KEL: variants seen among roughly 807,000 people sequenced by gnomAD.
KEL encodes Kell metallo-endopeptidase (Kell blood group), also known as kell blood group glycoprotein.
KEL carries 96 observed loss-of-function variants against 99.5 expected under a neutral mutation model. That is an observed-to-expected ratio of 0.97 (90% CI 0.82 to 1.14). The LOEUF (loss-of-function observed/expected upper bound fraction) is 1.14, where lower values mean the gene tolerates loss of function less well. Ranked by LOEUF, KEL falls within the 50% of genes most tolerant of loss-of-function variation. The pLI, the probability that KEL is intolerant of heterozygous loss-of-function variation, is 0.00. For missense variants in KEL, 926 were observed against 924.2 expected, an observed-to-expected ratio of 1.00 and a Z score of -0.03; for synonymous variants, 355 against 354.8, an observed-to-expected ratio of 1.00 and a Z score of -0.01.
intron 10 of KEL, among the ~76,000 whole-genome samples, chr7:142,947,731 C>T (rs141254382): frequency 1.2e-4 from 18 of 152,256 alleles, no homozygotes; most frequent in African/African-American, 4.1e-4. Context: ...CCATGTTGGC[C>T]AGGCTGGTCT....
At chr7:142,941,537 C>T (rs1478874939) in intron 18 of KEL, 124 bp from the exon 19 acceptor site, 14 of 850,074 alleles carry the variant, frequency 1.6e-5, no homozygotes, top group African/African-American at 1.5e-4. Context: ...CCAAGGGCCA[C>T]ATGGAGCATT....
chr7:142,951,715 T>C (rs544224766), intron 10 of KEL, among the ~76,000 whole-genome samples: 3 of 152,166 alleles, frequency 2.0e-5, no homozygotes, highest in African/African-American at 7.2e-5. Context: ...TCCCTGTGAA[T>C]ACATTTATCT....
At chr7:142,941,660 G>A (rs1796359331) in intron 18 of KEL, among the ~76,000 whole-genome samples, 1 of 152,130 alleles carries the variant, frequency 6.6e-6, no homozygotes, top group African/African-American at 2.4e-5. Context: ...AGGAGCTCTG[G>A]GGTGAAGTCT....
Position 142,942,969 on chromosome 7 carries a change from G to C in KEL, c.1847C>G (p.Ala616Gly). The C allele has an allele frequency of 6.2e-7, 1 of 1,614,192 alleles. No homozygotes were observed. Among genetic ancestry groups the C allele is most frequent in the Non-Finnish European group, 8.5e-7 (1 of 1,180,024 alleles). The change falls in exon 17 of 19, where the codon GCT (alanine) becomes GGT (glycine). Residue 616 changes from alanine (A) to glycine (G), a missense_variant. Physicochemically the swap from Ala to Gly is moderately conservative, Grantham distance 60 (BLOSUM62 0). Coordinates refer to ENST00000355265, the MANE Select transcript of KEL (RefSeq NM_000420.3). ...EAHLCLKRHY[A>G]AFPLPSRTSF... Reference sequence around the variant, plus strand: ...GGTTCTGCTAGGTAATGGAAAGGCAGCATAATGGCGCTTCAGGCACAGGTG... The same window carrying C: ...GGTTCTGCTAGGTAATGGAAAGGCACCATAATGGCGCTTCAGGCACAGGTG...
At chr7:142,961,752 A>G (rs1225382899) in intron 2 of KEL, 43 bp downstream of exon 2, 3 of 1,517,976 alleles carry the variant, frequency 2.0e-6, no homozygotes, top group Non-Finnish European at 1.8e-6. Context: ...GCCGAGAGTG[A>G]CAACATCAGT....
intron 10 of KEL, among the ~76,000 whole-genome samples, chr7:142,948,470 G>T (rs1001737363): frequency 1.3e-5 from 2 of 152,146 alleles, no homozygotes; most frequent in African/African-American, 4.8e-5. Flanking sequence ...TAAGAGTCCG[G>T]AGGGAAGCAA....
At position 142,941,171 on chromosome 7, in the gene KEL, G is replaced by T. The variant is rs1263499659; in HGVS notation, c.*81C>A. ...TTATTTTTGGAACAGAAGCAGAAAG[G>T]AAATCTTGCTCTGATTCCATGGATG... On this transcript the variant is annotated 3_prime_UTR_variant, in exon 19 of 19. Transcript: ENST00000355265. The T allele has an allele frequency of 1.3e-6, 2 of 1,485,928 alleles. No homozygotes were observed. Among genetic ancestry groups the T allele is most frequent in the African/African-American group, 1.4e-5 (1 of 72,366 alleles). The allele number at this position is 1,485,928 out of a possible 1,614,324, so 92.0% of individuals were successfully genotyped here.
At chr7:142,946,642 C>T in intron 10 of KEL, 1 of 390,956 alleles carries the variant, frequency 2.6e-6, no homozygotes, top group Non-Finnish European at 4.7e-6. Context: ...ACTCATACCT[C>T]GGCAGTCTGA....
Position 142,943,823 on chromosome 7 carries a change from T to C in KEL, c.1552A>G (p.Arg518Gly), listed in dbSNP as rs1185666498. ...GGCTGCAAGAAGCTCTGGACAATTCTAGCTCGGAGGGACCGGACACAGCTC... is the reference window on the plus strand; with the variant it reads ...GGCTGCAAGAAGCTCTGGACAATTCCAGCTCGGAGGGACCGGACACAGCTC... ...VLSCVRSLRA[R>G]IVQSFLQPHP... The change falls in exon 14 of 19, where the codon AGA (arginine) becomes GGA (glycine). Residue 518 changes from arginine to glycine, a missense_variant. Physicochemically the swap from Arg to Gly is moderately radical, Grantham distance 125 (BLOSUM62 -2). Transcript: ENST00000355265. 6.2e-7 allele frequency: 1 copy of C among 1,614,186 alleles called. No homozygotes were observed. Among genetic ancestry groups the C allele is most frequent in the East Asian group, 2.2e-5 (1 of 44,872 alleles).
chr7:142,942,960 G>A lies in KEL; in HGVS notation c.1856C>T (p.Pro619Leu), dbSNP rs866567552. ...ATTGAAGGAGGTTCTGCTAGGTAATGGAAAGGCAGCATAATGGCGCTTCAG... is the reference window on the plus strand; with the variant it reads ...ATTGAAGGAGGTTCTGCTAGGTAATAGAAAGGCAGCATAATGGCGCTTCAG... ...LCLKRHYAAF[P>L]LPSRTSFNDS... Residue 619 changes from proline (P) to leucine (L), a missense_variant, in exon 17 of 19, where the codon CCA becomes CTA. Physicochemically the swap from Pro to Leu is moderately conservative, Grantham distance 98 (BLOSUM62 -3). Transcript: ENST00000355265. 3 of 1,614,166 alleles carry A rather than the reference G, an allele frequency of 1.9e-6. No homozygotes were observed. Among genetic ancestry groups the A allele is most frequent in the Non-Finnish European group, 2.5e-6 (3 of 1,180,026 alleles).
At chr7:142,941,479 G>A in intron 18 of KEL, 66 bp from the exon 19 acceptor site, 1 of 1,461,638 alleles carries the variant, frequency 6.8e-7, no homozygotes, top group Non-Finnish European at 9.2e-7. Context: ...GGTGACAAGG[G>A]GTGATCAGGG....
intron 9 of KEL, chr7:142,953,432 C>T (rs1336768797): frequency 1.0e-6 from 1 of 975,906 alleles, no homozygotes; most frequent in Admixed American, 6.2e-5. Flanking sequence ...GCCCACAGTC[C>T]TCAGCTGCTA....
chr7:142,944,389 C>T lies in KEL; in HGVS notation c.1425G>A (p.Leu475=). Residue 475 remains leucine (L), a synonymous_variant, in exon 13 of 19, where the codon CTG becomes CTA. Coordinates refer to ENST00000355265, the MANE Select transcript of KEL (RefSeq NM_000420.3). ...ATTCTGAAGCCCCCATCTCCACCTG[C>T]AGTTGAGCAACCTGGAGAGAGACAC... The part of the protein sequence containing the change: ...QNMAQDKVAQ[L]QVEMGASEWA... 6.2e-7 allele frequency: 1 copy of T among 1,613,540 alleles called. No homozygotes were observed. The highest frequency in any genetic ancestry group is 8.5e-7 in the Non-Finnish European group (1 of 1,179,406).
chr7:142,961,304 G>A, intron 3 of KEL, 56 bp downstream of exon 3: 1 of 1,607,954 alleles, frequency 6.2e-7, no homozygotes, highest in East Asian at 2.2e-5. Context: ...GACTGGGCCT[G>A]GGCCCCAGGG....
Position 142,962,293 on chromosome 7 carries a change from C to T in KEL, c.-87G>A. 1 of 1,478,156 alleles carries T rather than the reference C, an allele frequency of 6.8e-7. No homozygotes were observed. The highest frequency in any genetic ancestry group is 9.5e-7 in the Non-Finnish European group (1 of 1,056,644). 91.6% of individuals were successfully genotyped at this position (1,478,156 alleles called of 1,614,324 possible). Reference sequence around the variant, plus strand: ...ACTGGGGTCCAGGAAACACCCCCCGCCCCAGTTCCTTGATCCTGGAGAAGG... The same window carrying T: ...ACTGGGGTCCAGGAAACACCCCCCGTCCCAGTTCCTTGATCCTGGAGAAGG... On this transcript the variant is annotated 5_prime_UTR_variant, in exon 1 of 19. Coordinates refer to ENST00000355265, the MANE Select transcript of KEL (RefSeq NM_000420.3).
chr7:142,957,256 T>C (rs532155679), intron 6 of KEL, among the ~76,000 whole-genome samples: 1 of 152,252 alleles, frequency 6.6e-6, no homozygotes, highest in South Asian at 2.1e-4. Flanking sequence ...GGGAGCAGCA[T>C]AGGCAAAGAA....
intron 3 of KEL, 49 bp from the exon 4 acceptor site, chr7:142,961,153 G>A: frequency 6.2e-7 from 1 of 1,602,436 alleles, no homozygotes; most frequent in Non-Finnish European, 8.5e-7. Context: ...AAAGACAAGG[G>A]CTCCCCCAAG....
chr7:142,957,800 C>T, intron 6 of KEL, 27 bp downstream of exon 6: 2 of 1,613,718 alleles, frequency 1.2e-6, no homozygotes, highest in East Asian at 2.2e-5. Flanking sequence ...CCAGGTCCAA[C>T]TGTGTCTTCG....
chr7:142,958,379 C>T lies in KEL; in HGVS notation c.450G>A (p.Gln150=), dbSNP rs780329776. 20 of 1,614,186 alleles carry T rather than the reference C, an allele frequency of 1.2e-5. No individual in the cohort carries two copies. Among genetic ancestry groups the T allele is most frequent in the Admixed American group, 3.3e-5 (2 of 60,030 alleles). Residue 150 remains glutamine (Q), a synonymous_variant, in exon 5 of 19, where the codon CAG becomes CAA. Coordinates refer to ENST00000355265, the MANE Select transcript of KEL (RefSeq NM_000420.3). Reference sequence around the variant, plus strand: ...GTGTATCCATGCAGGAGTTGTAGAACTGGAAGGCTTTCTCCTCCCCAGAGC... The same window carrying T: ...GTGTATCCATGCAGGAGTTGTAGAATTGGAAGGCTTTCTCCTCCCCAGAGC... ...HPGSGEEKAF[Q]FYNSCMDTLA...
Sources: allele counts gnomAD v4.1 joint callset (sites outside exome capture counted in the v4.1 genomes callset), GRCh38; gene constraint gnomAD v4.1.1; transcripts MANE v1.5; gene names NCBI Gene and HGNC (gene_info 2026-07-23, HGNC 2026-07-21).